The following FRMD4B variants were observed in gnomAD, a reference collection of about 807,000 sequenced individuals.
The protein encoded by FRMD4B is FERM domain containing 4B.
FRMD4B carries 74 observed loss-of-function variants against 141.5 expected under a neutral mutation model. The observed-to-expected ratio is 0.52, with a 90% confidence interval of 0.43 to 0.63. The LOEUF (loss-of-function observed/expected upper bound fraction) is 0.63. FRMD4B is among the 30% of genes least tolerant of loss of function. The pLI is 0.00. For missense variants in FRMD4B, 1,366 were observed against 1,253.4 expected (o/e 1.09, Z -1.36); for synonymous variants, 506 against 467.9 (o/e 1.08, Z -1.05).
intron 5 of FRMD4B, among the ~76,000 whole-genome samples, chr3:69,279,423 A>AAC (rs1228953564): frequency 6.6e-6 from 1 of 152,314 alleles, no homozygotes; most frequent in East Asian, 1.9e-4. Context: ...ATGAGCTAAT[A>AAC]ACACACACAA....
rs2092887090 is a variant in FRMD4B, at chr3:69,195,110, G to A, written c.1400C>T (p.Pro467Leu). ...AGGAGGCTTCTCGCCTATGTTCAGG[G>A]GATACTCCTTTGGCATTTTGCCTGT... ...ELTGKMPKEY[P>L]LNIGEKPPQV... The change falls in exon 16 of 23, where the codon CCC (proline) becomes CTC (leucine). Residue 467 changes from proline to leucine, a missense_variant. Pro to Leu is a moderately conservative substitution (Grantham distance 98, BLOSUM62 -3). Transcript: ENST00000398540. 1 of 1,613,868 alleles carries A rather than the reference G, an allele frequency of 6.2e-7. No individual in the cohort carries two copies. Among genetic ancestry groups the A allele is most frequent in the South Asian group, 1.1e-5 (1 of 91,076 alleles).
At chr3:69,174,623 C>T (rs913490777) in intron 22 of FRMD4B, among the ~76,000 whole-genome samples, 1 of 152,144 alleles carries the variant, frequency 6.6e-6, no homozygotes, top group African/African-American at 2.4e-5. Flanking sequence ...GTTATGACCC[C>T]TCTGATCCCC....
At position 69,353,489 on chromosome 3, in the gene FRMD4B, G is replaced by A; in HGVS notation, c.162+32339C>T. On this transcript the variant is annotated intron_variant, in intron 1 of 22. Coordinates refer to ENST00000398540, the MANE Select transcript of FRMD4B (RefSeq NM_015123.3). The stretch of plus-strand genomic sequence containing the variant: ...CTATGAAATGCCAGTCAAAGCTGAA[G>A]AAGCACCGTTACACAGTCTGCAACT... 6.6e-6 allele frequency: 5 copies of A among 759,632 alleles called. 1 individual carries two copies. Among genetic ancestry groups the A allele is most frequent in the Middle Eastern group, 6.5e-4 (1 of 1,528 alleles). 47.1% of individuals were successfully genotyped at this position (759,632 alleles called of 1,614,324 possible).
chr3:69,270,072 A>C (rs539864610), intron 5 of FRMD4B, among the ~76,000 whole-genome samples: 1 of 151,722 alleles, frequency 6.6e-6, no homozygotes, highest in South Asian at 2.1e-4. Context: ...GCTGGAGTGC[A>C]GTGGCATGAT....
At chr3:69,336,280 C>T (rs1380947621) in intron 1 of FRMD4B, among the ~76,000 whole-genome samples, 3 of 152,156 alleles carry the variant, frequency 2.0e-5, no homozygotes, top group Admixed American at 2.0e-4. Flanking sequence ...TCAACTGGAG[C>T]CTGTTAGGAA....
chr3:69,503,647 C>A (rs1406337735), intron 1 of FRMD4B, among the ~76,000 whole-genome samples: 1 of 152,142 alleles, frequency 6.6e-6, no homozygotes, highest in Non-Finnish European at 1.5e-5. Flanking sequence ...AACAATCCTG[C>A]ACGTTGTGCA....
chr3:69,209,877 T>G (rs2093059137), intron 11 of FRMD4B, among the ~76,000 whole-genome samples: 1 of 152,196 alleles, frequency 6.6e-6, no homozygotes, highest in African/African-American at 2.4e-5. Context: ...AGAAGTAGCT[T>G]CTAATCTAGG....
chr3:69,386,273 G>A (rs979777599), upstream of FRMD4B: 1 of 321,986 alleles, frequency 3.1e-6, no homozygotes, highest in Admixed American at 5.0e-5. Flanking sequence ...CACCAAGCTG[G>A]CCCTCGATGC....
chr3:69,416,828 T>G (rs966749990), intron 2 of FRMD4B, among the ~76,000 whole-genome samples: 3 of 152,178 alleles, frequency 2.0e-5, no homozygotes, highest in Non-Finnish European at 4.4e-5. Flanking sequence ...TGTGTTAGTT[T>G]GCTGAGAATG....
chr3:69,190,534 C>G (rs1361428470), intron 17 of FRMD4B, among the ~76,000 whole-genome samples: 2 of 152,092 alleles, frequency 1.3e-5, no homozygotes, highest in East Asian at 3.9e-4. Context: ...CCCGCCTCAG[C>G]CTCCTGAGTA....
intron 1 of FRMD4B, among the ~76,000 whole-genome samples, chr3:69,340,742 T>C (rs183205323): frequency 3.4e-4 from 52 of 152,344 alleles, no homozygotes; most frequent in African/African-American, 9.9e-4. Flanking sequence ...TCCATAGCTC[T>C]TATTATGAGT....
In FRMD4B at chr3:69,196,236, T is replaced by C. The variant is rs1278475744; in HGVS notation, c.1234+19A>G. ...CGAAATAAAGATGGCTTGCACGTTC[T>C]CTAATCCCAAGATGTTACCTGAGGA... On this transcript the variant is annotated intron_variant, in intron 14 of 22. Transcript: ENST00000398540. The C allele has an allele frequency of 6.4e-7, 1 of 1,555,130 alleles. No homozygotes were observed. The highest frequency in any genetic ancestry group is 8.6e-7 in the Non-Finnish European group (1 of 1,156,136).
chr3:69,192,907 A>G (rs1575595961), intron 17 of FRMD4B, among the ~76,000 whole-genome samples: 1 of 151,320 alleles, frequency 6.6e-6, no homozygotes, highest in African/African-American at 2.4e-5. Context: ...AGCCTCGATT[A>G]CCTGGGCTCA....
rs1362098324 is a variant in FRMD4B at position 69,238,215 on chromosome 3, G to GT, written c.581+11010dup. 2.0e-5 allele frequency among the ~76,000 whole-genome samples: 3 copies of GT among 152,286 alleles called. No individual in the cohort carries two copies. In the East Asian group the frequency reaches 5.8e-4, roughly 29 times the overall value. On this transcript the variant is annotated intron_variant, in intron 7 of 22. Transcript: ENST00000398540. ...GCTGCCCATCATTTTACTAGAGCTA[G>GT]TACACAGGCAGCCAGTACATACCTA...
At position 69,216,325 on chromosome 3, in the gene FRMD4B, G is replaced by C. The variant is rs146672127; in HGVS notation, c.814C>G (p.Leu272Val). ...CCAATTCCCTTATAGCTTATTCCAA[G>C]CCACCAAGGAAGTCCTTGCTTATCC... Reference protein sequence around the residue: ...VKDKQGLPWWLGISYKGIGQY... With the variant: ...VKDKQGLPWWVGISYKGIGQY... The change falls in exon 11 of 23, where the codon CTT becomes GTT. Residue 272 changes from leucine to valine, a missense_variant. Transcript: ENST00000398540. 1,429 of 1,568,860 alleles carry C rather than the reference G, an allele frequency of 9.1e-4. 14 individuals carry two copies. The African/African-American group carries it at 0.018, about 20-fold the overall frequency.
chr3:69,186,436 G>A (rs576485409), intron 19 of FRMD4B, among the ~76,000 whole-genome samples: 1 of 151,854 alleles, frequency 6.6e-6, no homozygotes, highest in Non-Finnish European at 1.5e-5. Context: ...TTTGGGCCGG[G>A]CACACTGGCT....
At chr3:69,519,255 G>A (rs945454999) in intron 1 of FRMD4B, among the ~76,000 whole-genome samples, 3 of 152,212 alleles carry the variant, frequency 2.0e-5, no homozygotes, top group African/African-American at 7.2e-5. Context: ...AGGGATGAGT[G>A]GGAATTAGCC....
At position 69,260,953 on chromosome 3, in the gene FRMD4B, C is replaced by T. The variant is rs550577389; in HGVS notation, c.502-10854G>A. Reference sequence around the variant, plus strand: ...CGCACTAATCAGTACCCTGTCAAAACGGACCAATCAGCTCTCTGTAAAATG... The same window carrying T: ...CGCACTAATCAGTACCCTGTCAAAATGGACCAATCAGCTCTCTGTAAAATG... On this transcript the variant is annotated intron_variant, in intron 5 of 22. Transcript: ENST00000398540. Among the ~76,000 whole-genome samples the T allele has an allele frequency of 2.6e-4, 39 of 152,312 alleles. 3 individuals carry two copies. In the South Asian group the frequency reaches 7.0e-3, roughly 28 times the overall value.
chr3:69,332,264 T>A (rs1340908185), intron 1 of FRMD4B, among the ~76,000 whole-genome samples: 1 of 152,226 alleles, frequency 6.6e-6, no homozygotes, highest in Non-Finnish European at 1.5e-5. Flanking sequence ...CTAGTCTGAA[T>A]GTTCCATCAT....
Sources: allele counts gnomAD v4.1 joint callset (sites outside exome capture counted in the v4.1 genomes callset), GRCh38; gene constraint gnomAD v4.1.1; transcripts MANE v1.5; gene names NCBI Gene and HGNC (gene_info 2026-07-23, HGNC 2026-07-21).